ERCC6: variants seen among roughly 807,000 people sequenced by gnomAD.
ERCC6 encodes the protein ERCC excision repair 6, chromatin remodeling factor.
Under a neutral mutation model 158.7 loss-of-function variants are expected in ERCC6, and 116 were observed. The observed-to-expected ratio is 0.73, with a 90% CI of 0.63 to 0.85. The LOEUF (loss-of-function observed/expected upper bound fraction) is 0.85. ERCC6 is among the 40% of genes least tolerant of loss of function. The pLI, the probability that ERCC6 is intolerant of heterozygous loss-of-function variation, is 0.00. For missense variants in ERCC6, 1,698 were observed against 1,799.4 expected (o/e 0.94, Z 1.02); for synonymous variants, 678 against 659.3 (o/e 1.03, Z -0.43).
chr10:49,501,082 T>C (rs1365242315), intron 6 of ERCC6: 1 of 254,868 alleles, frequency 3.9e-6, no homozygotes, highest in East Asian at 1.0e-4. Flanking sequence ...AATTTTTCTA[T>C]AAAAAAGGGG....
intron 7 of ERCC6, among the ~76,000 whole-genome samples, chr10:49,496,920 T>C (rs1851276561): frequency 6.6e-6 from 1 of 152,250 alleles, no homozygotes; most frequent in South Asian, 2.1e-4. Flanking sequence ...AAATAATTTG[T>C]AGTTCTATAG....
At chr10:49,475,977 G>T (rs1850869727) in intron 12 of ERCC6, among the ~76,000 whole-genome samples, 1 of 152,172 alleles carries the variant, frequency 6.6e-6, no homozygotes, top group Non-Finnish European at 1.5e-5. Flanking sequence ...TTTGCGTCTG[G>T]GTTCAGATCC....
chr10:49,539,390 C>T (rs1185249124), upstream of ERCC6: 2 of 152,340 alleles, frequency 1.3e-5, no homozygotes, highest in African/African-American at 2.4e-5. Flanking sequence ...TAACCTTGAA[C>T]CCTGCAGAGA....
Position 49,516,809 on chromosome 10 carries a change from T to C in ERCC6, c.1397+7224A>G, listed in dbSNP as rs1590458575. On this transcript the variant is annotated intron_variant, in intron 5 of 20. Transcript: ENST00000355832. Reference sequence around the variant, plus strand: ...GAATTTTTGTCATTTTCCTCCTCCTTGATGGTGGAGGTTGCTGCACAGTAA... The same window carrying C: ...GAATTTTTGTCATTTTCCTCCTCCTCGATGGTGGAGGTTGCTGCACAGTAA... The C allele has an allele frequency of 3.7e-6, 6 of 1,614,134 alleles. No individual in the cohort carries two copies. In the East Asian group the frequency reaches 6.7e-5, roughly 18 times the overall value.
At chr10:49,509,246 G>C (rs1278510925) in intron 5 of ERCC6, among the ~76,000 whole-genome samples, 1 of 152,144 alleles carries the variant, frequency 6.6e-6, no homozygotes, top group Non-Finnish European at 1.5e-5. Flanking sequence ...ACCTAGATTA[G>C]GAAGTGCTTA....
At chr10:49,468,836 A>T (rs1850722383) in intron 18 of ERCC6, among the ~76,000 whole-genome samples, 1 of 152,216 alleles carries the variant, frequency 6.6e-6, no homozygotes, top group South Asian at 2.1e-4. Context: ...AGCATATATT[A>T]GTATGCCAAG....
chr10:49,494,654 G>A (rs759016000), intron 7 of ERCC6, among the ~76,000 whole-genome samples: 2 of 152,164 alleles, frequency 1.3e-5, no homozygotes, highest in Non-Finnish European at 2.9e-5. Context: ...TAACCTGTCA[G>A]TGCATGGTAC....
chr10:49,493,811 T>A lies in ERCC6; in HGVS notation c.1686-559A>T, dbSNP rs4253129. Among the ~76,000 whole-genome samples the A allele has an allele frequency of 6.4e-3, 974 of 152,330 alleles. 13 individuals carry two copies. The highest frequency in any genetic ancestry group is 0.021 in the African/African-American group (885 of 41,572). On this transcript the variant is annotated intron_variant, in intron 7 of 20. Transcript: ENST00000355832. ...GGCTGCCTAGCAGCCAGTCTTCACT[T>A]ACTGCAGCCTGTCCTCACTACACCA...
intron 10 of ERCC6, 70 bp from the exon 11 acceptor site, chr10:49,478,540 T>A: frequency 1.1e-6 from 1 of 904,050 alleles, no homozygotes; most frequent in Non-Finnish European, 1.8e-6. Flanking sequence ...TACCTCTCAA[T>A]TGCTTCCATT....
Position 49,532,753 on chromosome 10 carries a change from G to A in ERCC6, c.212C>T (p.Ala71Val), listed in dbSNP as rs2132639411. 4.3e-6 allele frequency: 7 copies of A among 1,614,224 alleles called. No homozygotes were observed. Among genetic ancestry groups the A allele is most frequent in the African/African-American group, 4.0e-5 (3 of 75,050 alleles). ...CASAAPRRGP[A>V]LLHIDRHQIQ... Reference sequence around the variant, plus strand: ...CTGATGTCGGTCGATGTGCAGCAGGGCTGGCCCTCTCCTCGGAGCTGCTGA... The same window carrying A: ...CTGATGTCGGTCGATGTGCAGCAGGACTGGCCCTCTCCTCGGAGCTGCTGA... The change falls in exon 2 of 21, where the codon GCC (alanine) becomes GTC (valine). Residue 71 changes from alanine (A) to valine (V), a missense_variant. Ala to Val is a moderately conservative substitution (Grantham distance 64). Transcript: ENST00000355832.
chr10:49,482,575 TG>T (rs759638823), intron 10 of ERCC6, 111 bp downstream of exon 10: 205 of 820,576 alleles, frequency 2.5e-4, no homozygotes, highest in Admixed American at 3.7e-4. Flanking sequence ...TACCAATTTA[TG>T]AGCCTGGCCA....
chr10:49,533,862 G>A (rs113692507), intron 1 of ERCC6, among the ~76,000 whole-genome samples: 2 of 151,696 alleles, frequency 1.3e-5, no homozygotes, highest in African/African-American at 4.8e-5. Context: ...GGCTGGGCAC[G>A]ATGGCTCACA....
In ERCC6 at chr10:49,472,419, T is replaced by C. The variant is rs1564730179; in HGVS notation, c.2881A>G (p.Arg961Gly). Residue 961 changes from arginine to glycine, a missense_variant, in exon 16 of 21, where the codon AGG becomes GGG. By Grantham distance (125) the Arg-to-Gly change is moderately radical (BLOSUM62 -2). Transcript: ENST00000355832. ...TCAATGGTGCCCGCAGTCAGGAGCCTGTACACAGTCACTTGCTTCTTCTGG... is the reference window on the plus strand; with the variant it reads ...TCAATGGTGCCCGCAGTCAGGAGCCCGTACACAGTCACTTGCTTCTTCTGG... Reference protein sequence around the residue: ...IGQKKQVTVYRLLTAGTIEEK... With the variant: ...IGQKKQVTVYGLLTAGTIEEK... 1 of 1,614,166 alleles carries C rather than the reference T, an allele frequency of 6.2e-7. No homozygotes were observed. The highest frequency in any genetic ancestry group is 2.2e-5 in the East Asian group (1 of 44,884).
rs1850481466 is a variant in ERCC6 at position 49,456,209 on chromosome 10, A to G, written c.*2606T>C. ...TAACAGGTCAAAGGAGAGCAGTTCA[A>G]GACTGGCAGGCCAACTTCTCCTTCC... is the stretch of plus-strand genomic sequence containing the variant. On this transcript the variant is annotated 3_prime_UTR_variant, in exon 21 of 21. Transcript: ENST00000355832. 1 of 152,224 alleles carries G rather than the reference A, an allele frequency of 6.6e-6. No homozygotes were observed. Among genetic ancestry groups the G allele is most frequent in the African/African-American group, 2.4e-5 (1 of 41,452 alleles). The allele number at this position is 152,224 out of a possible 1,614,324, so 9.4% of individuals were successfully genotyped here.
chr10:49,517,002 G>A, intron 5 of ERCC6: 1 of 1,613,960 alleles, frequency 6.2e-7, no homozygotes, highest in Non-Finnish European at 8.5e-7. Context: ...TTCCTCATCA[G>A]AAACAGGTGC....
At chr10:49,460,236 C>G (rs1049035009) in intron 20 of ERCC6, 137 bp downstream of exon 20, 1 of 710,934 alleles carries the variant, frequency 1.4e-6, no homozygotes, top group Non-Finnish European at 2.6e-6. Context: ...CATCGTAAAT[C>G]AGAGCGTGCA....
chr10:49,452,912 A>G (rs1850436282), downstream of ERCC6, among the ~76,000 whole-genome samples: 1 of 151,964 alleles, frequency 6.6e-6, no homozygotes, highest in African/African-American at 2.4e-5. Context: ...TGTTTGCACT[A>G]TTTCTTTTTG....
At chr10:49,488,511 T>G (rs1406321925) in intron 8 of ERCC6, 1 of 152,206 alleles carries the variant, frequency 6.6e-6, no homozygotes, top group Non-Finnish European at 1.5e-5. Context: ...GCATCTATCA[T>G]GTCTTCTATA....
intron 10 of ERCC6, among the ~76,000 whole-genome samples, chr10:49,480,123 G>A (rs1285878127): frequency 6.6e-6 from 1 of 152,152 alleles, no homozygotes; most frequent in Non-Finnish European, 1.5e-5. Flanking sequence ...TGCCCCAGCT[G>A]AGCACACCAA....
Sources: gnomAD v4.1 joint callset for allele counts (sites outside exome capture counted in the v4.1 genomes callset) on GRCh38, gnomAD v4.1.1 for gene constraint, MANE v1.5 for transcripts, NCBI Gene and HGNC (gene_info 2026-07-23, HGNC 2026-07-21) for gene names.